Variants in STAG1 observed in about 807,000 individuals in gnomAD.
STAG1 encodes cohesin subunit SA-1.
In STAG1, 26 loss-of-function variants were observed where a neutral mutation model predicts 170.9. That is an observed-to-expected ratio of 0.15 (90% confidence interval 0.11 to 0.21). The LOEUF (loss-of-function observed/expected upper bound fraction) is 0.21, where lower values mean the gene tolerates loss of function less well. Ranked by LOEUF, STAG1 falls within the 10% of genes least tolerant of loss-of-function variation. The pLI, the probability that STAG1 is intolerant of heterozygous loss-of-function variation, is 1.00. For synonymous variants in STAG1, 514 were observed against 497.7 expected (o/e 1.03, Z -0.44); for missense variants, 964 against 1,509.5 (o/e 0.64, Z 5.99).
chr3:136,524,321 G>A (rs887902967), intron 6 of STAG1, among the ~76,000 whole-genome samples: 106 of 150,508 alleles, frequency 7.0e-4, no homozygotes, highest in African/African-American at 2.3e-3. Context: ...ATCCCTTGTA[G>A]GTTGGATTCC....
At chr3:136,559,428 C>T (rs1165859135) in intron 5 of STAG1, among the ~76,000 whole-genome samples, 1 of 152,052 alleles carries the variant, frequency 6.6e-6, no homozygotes, top group Non-Finnish European at 1.5e-5. Context: ...TGTTATCTAG[C>T]CAATTACAAT....
intron 1 of STAG1, among the ~76,000 whole-genome samples, chr3:136,724,012 C>A (rs975529661): frequency 6.6e-6 from 1 of 150,836 alleles, no homozygotes; most frequent in East Asian, 2.0e-4. Flanking sequence ...CCAGCCGCCC[C>A]GTCCGGGAGG....
chr3:136,454,382 T>C (rs907209296), intron 13 of STAG1, among the ~76,000 whole-genome samples: 1 of 150,476 alleles, frequency 6.6e-6, no homozygotes, highest in Non-Finnish European at 1.5e-5. Flanking sequence ...GATCGGCTTA[T>C]TTTATGTTTT....
chr3:136,687,527 A>G (rs552003757), intron 1 of STAG1, among the ~76,000 whole-genome samples: 1 of 152,232 alleles, frequency 6.6e-6, no homozygotes, highest in South Asian at 2.1e-4. Context: ...TTGAAAAAAA[A>G]GGTCCTATAC....
intron 23 of STAG1, among the ~76,000 whole-genome samples, chr3:136,376,308 C>T (rs1937608790): frequency 6.6e-6 from 1 of 152,028 alleles, no homozygotes; most frequent in Non-Finnish European, 1.5e-5. Context: ...AAATGTACTC[C>T]CCAATACAAC....
intron 4 of STAG1, among the ~76,000 whole-genome samples, chr3:136,592,089 G>A (rs1357448169): frequency 2.6e-5 from 4 of 152,188 alleles, no homozygotes; most frequent in African/African-American, 9.7e-5. Context: ...TGATGATGGA[G>A]GAAGTATCTG....
At chr3:136,468,028 G>A (rs2089518004) in intron 12 of STAG1, among the ~76,000 whole-genome samples, 1 of 152,182 alleles carries the variant, frequency 6.6e-6, no homozygotes, top group African/African-American at 2.4e-5. Flanking sequence ...GAAATGTATA[G>A]CACTAAATGC....
intron 12 of STAG1, among the ~76,000 whole-genome samples, chr3:136,469,750 G>A (rs1348316166): frequency 6.6e-6 from 1 of 152,032 alleles, no homozygotes; most frequent in Non-Finnish European, 1.5e-5. Context: ...CAAGGCTACA[G>A]TAACCAAAAC....
chr3:136,564,264 T>C (rs1036958571), intron 5 of STAG1, among the ~76,000 whole-genome samples: 9 of 152,220 alleles, frequency 5.9e-5, no homozygotes, highest in South Asian at 2.1e-4. Flanking sequence ...AGTAGGATGG[T>C]TGAGTCAACA....
intron 6 of STAG1, among the ~76,000 whole-genome samples, chr3:136,523,761 T>G (rs1344449220): frequency 6.6e-6 from 1 of 152,218 alleles, no homozygotes; most frequent in African/African-American, 2.4e-5. Context: ...CATCTTGAAT[T>G]AATTTTTGTA....
chr3:136,430,479 TTA>T (rs1212748212), intron 16 of STAG1, among the ~76,000 whole-genome samples: 1 of 152,160 alleles, frequency 6.6e-6, no homozygotes, highest in African/African-American at 2.4e-5. Flanking sequence ...TCACATATAT[TTA>T]TGTTATAATC....
chr3:136,731,207 A>G (rs1413167682), intron 1 of STAG1, among the ~76,000 whole-genome samples: 4 of 151,510 alleles, frequency 2.6e-5, no homozygotes, highest in African/African-American at 4.9e-5. Context: ...TCAACAAACC[A>G]CCTCAAGGCA....
At chr3:136,391,286 G>A (rs1048780875) in intron 22 of STAG1, among the ~76,000 whole-genome samples, 1 of 151,134 alleles carries the variant, frequency 6.6e-6, no homozygotes, top group African/African-American at 2.4e-5. Flanking sequence ...AAGCAGGACA[G>A]CTCCTCCCAG....
rs759079965 is a variant in STAG1 at position 136,363,341 on chromosome 3, G to A, written c.2787+25C>T. 7 of 1,203,490 alleles carry A rather than the reference G, an allele frequency of 5.8e-6. No individual in the cohort carries two copies. In the African/African-American group the frequency reaches 7.6e-5, roughly 13 times the overall value. 74.6% of individuals were successfully genotyped at this position (1,203,490 alleles called of 1,614,324 possible). A position where few individuals can be genotyped will look rare whatever the true frequency, so the allele number is the denominator to read the frequency against. Reference sequence around the variant, plus strand: ...TGCAATAATGTTATTTCCATTCTTTGTCTCCCTCTCTCCAAATTTCTTACC... The same window carrying A: ...TGCAATAATGTTATTTCCATTCTTTATCTCCCTCTCTCCAAATTTCTTACC... On this transcript the variant is annotated intron_variant, in intron 26 of 33. Transcript: ENST00000383202.
intron 26 of STAG1, among the ~76,000 whole-genome samples, chr3:136,360,683 T>A (rs909866937): frequency 3.9e-5 from 6 of 152,158 alleles, no homozygotes; most frequent in African/African-American, 1.4e-4. Flanking sequence ...AATTCTTTTT[T>A]TTTCCTGAGG....
chr3:136,400,818 G>C (rs2087302656), intron 21 of STAG1, among the ~76,000 whole-genome samples: 1 of 152,160 alleles, frequency 6.6e-6, no homozygotes, highest in Non-Finnish European at 1.5e-5. Flanking sequence ...ACAGGTGTGA[G>C]CCACCGTGCC....
intron 6 of STAG1, among the ~76,000 whole-genome samples, chr3:136,525,569 G>A (rs909763105): frequency 4.6e-5 from 7 of 151,980 alleles, no homozygotes; most frequent in African/African-American, 1.2e-4. Context: ...TTAATTTTTT[G>A]AAGGGTTTTT....
At chr3:136,732,641 GCT>G (rs1433619703) in intron 1 of STAG1, among the ~76,000 whole-genome samples, 2 of 152,018 alleles carry the variant, frequency 1.3e-5, no homozygotes, top group East Asian at 1.9e-4. Flanking sequence ...ACAGAGTCTT[GCT>G]CTGTCACCCA....
chr3:136,606,549 T>G (rs936599814), intron 3 of STAG1, among the ~76,000 whole-genome samples: 1 of 152,124 alleles, frequency 6.6e-6, no homozygotes, highest in African/African-American at 2.4e-5. Context: ...GGATACAATA[T>G]TACATTCAAT....
Sources: allele counts gnomAD v4.1 joint callset (sites outside exome capture counted in the v4.1 genomes callset), GRCh38; gene constraint gnomAD v4.1.1; transcripts MANE v1.5; gene names NCBI Gene and HGNC (gene_info 2026-07-23, HGNC 2026-07-21).